The following ILDR1 variants were observed in gnomAD, a reference collection of about 807,000 sequenced individuals.
ILDR1 encodes the protein immunoglobulin-like domain-containing receptor 1.
In ILDR1, 56 loss-of-function variants were observed where a neutral mutation model predicts 62.4. The observed-to-expected ratio is 0.90, with a 90% CI of 0.72 to 1.12. The LOEUF (loss-of-function observed/expected upper bound fraction) is 1.12, where lower values mean the gene tolerates loss of function less well. Among genes scored for constraint, ILDR1 ranks in the 50% most tolerant of loss-of-function variants. The pLI, the probability that ILDR1 is intolerant of heterozygous loss-of-function variation, is 0.00. For missense variants in ILDR1, 736 were observed against 710.6 expected (o/e 1.04, Z -0.41); for synonymous variants, 284 against 277.8 (o/e 1.02, Z -0.22).
In ILDR1 at chr3:121,993,908, T is replaced by A; in HGVS notation, c.841A>T (p.Ile281Phe). The change falls in exon 7 of 8, where the codon ATC becomes TTC. Residue 281 changes from isoleucine (I) to phenylalanine (F), a missense_variant. Ile to Phe is a conservative substitution (Grantham distance 21). Transcript: ENST00000344209. Reference protein sequence around the residue: ...PMTQTTNQPPIANGVLEYLEK... With the variant: ...PMTQTTNQPPFANGVLEYLEK... ...AAATACTCCAGGACACCATTGGCGA[T>A]GGGAGGCTGATTGGTGGTCTGGGTC... The A allele has an allele frequency of 6.2e-7, 1 of 1,613,788 alleles. No homozygotes were observed. Among genetic ancestry groups the A allele is most frequent in the South Asian group, 1.1e-5 (1 of 91,078 alleles).
intron 3 of ILDR1, among the ~76,000 whole-genome samples, chr3:122,004,867 T>C (rs967881182): frequency 1.3e-5 from 2 of 152,112 alleles, no homozygotes; most frequent in African/African-American, 2.4e-5. Context: ...ACAACAGGAA[T>C]AGCCGGAAGG....
At chr3:121,990,443 G>A (rs765675567) in intron 7 of ILDR1, among the ~76,000 whole-genome samples, 1 of 152,202 alleles carries the variant, frequency 6.6e-6, no homozygotes, top group Non-Finnish European at 1.5e-5. Context: ...ACAATTTCTT[G>A]TACAAAATCT....
intron 1 of ILDR1, among the ~76,000 whole-genome samples, chr3:122,010,077 G>A (rs946895794): frequency 7.9e-5 from 12 of 152,302 alleles, no homozygotes; most frequent in Non-Finnish European, 1.6e-4. Context: ...CTAAGATCAC[G>A]CATGAGAAGT....
the ILDR1 span, among the ~76,000 whole-genome samples, chr3:122,048,218 T>C: frequency 6.6e-6 from 1 of 152,230 alleles, no homozygotes; most frequent in African/African-American, 2.4e-5. Flanking sequence ...GATGACCATA[T>C]GATTTTAATG....
At chr3:121,988,458 C>G in intron 7 of ILDR1, 50 bp from the exon 8 acceptor site, 1 of 1,441,886 alleles carries the variant, frequency 6.9e-7, no homozygotes, top group African/African-American at 1.4e-5. Context: ...CAGTGCAATC[C>G]GTCTATGCAT....
chr3:122,003,410 C>G (rs1467688829), intron 3 of ILDR1, among the ~76,000 whole-genome samples: 1 of 152,136 alleles, frequency 6.6e-6, no homozygotes, highest in Non-Finnish European at 1.5e-5. Flanking sequence ...AAGCTTACCC[C>G]AGACTTGGAA....
At chr3:122,038,481 C>T in the ILDR1 span, among the ~76,000 whole-genome samples, 1 of 152,038 alleles carries the variant, frequency 6.6e-6, no homozygotes, top group South Asian at 2.1e-4. Context: ...AATGTAAATC[C>T]CCATACTACT....
chr3:122,040,708 C>A, the ILDR1 span, among the ~76,000 whole-genome samples: 1 of 135,728 alleles, frequency 7.4e-6, no homozygotes, highest in South Asian at 2.3e-4. Flanking sequence ...GCTAGAACAA[C>A]TGGAAATCCA....
At position 122,010,806 on chromosome 3, in the gene ILDR1, G is replaced by C. The variant is rs1170803800; in HGVS notation, c.59-3645C>G. On this transcript the variant is annotated intron_variant, in intron 1 of 7. Transcript: ENST00000344209. Reference sequence around the variant, plus strand: ...CGATGAGAAGAGAGAGGAAAACACTGATATTGGTCTAAATAAAATCTTAGG... The same window carrying C: ...CGATGAGAAGAGAGAGGAAAACACTCATATTGGTCTAAATAAAATCTTAGG... Among the ~76,000 whole-genome samples the C allele has an allele frequency of 2.0e-5, 3 of 152,142 alleles. No individual in the cohort carries two copies. The East Asian group carries it at 5.8e-4, about 29-fold the overall frequency.
chr3:122,037,115 C>T, the ILDR1 span, among the ~76,000 whole-genome samples: 1 of 152,252 alleles, frequency 6.6e-6, no homozygotes. Flanking sequence ...AAGGGTGGAG[C>T]CCTCATGGAG....
chr3:122,027,235 G>C (rs1044124839), upstream of ILDR1, among the ~76,000 whole-genome samples: 11 of 152,010 alleles, frequency 7.2e-5, no homozygotes, highest in African/African-American at 2.4e-4. Flanking sequence ...TGTCATCCAG[G>C]CTGGACTGCA....
chr3:122,052,585 T>C, the ILDR1 span, among the ~76,000 whole-genome samples: 1 of 152,166 alleles, frequency 6.6e-6, no homozygotes, highest in South Asian at 2.1e-4. Context: ...GTTGTTGTTG[T>C]TGTTTTGAGA....
chr3:121,993,882 C>T lies in ILDR1; in HGVS notation c.867G>A (p.Leu289=). Residue 289 remains leucine (L), a synonymous_variant, in exon 7 of 8, where the codon TTG becomes TTA. Coordinates refer to ENST00000344209, the MANE Select transcript of ILDR1 (RefSeq NM_001199799.2). Reference sequence around the variant, plus strand: ...GGTTGAGGTTCCGCAGTTCTTTCTCCAAATACTCCAGGACACCATTGGCGA... The same window carrying T: ...GGTTGAGGTTCCGCAGTTCTTTCTCTAAATACTCCAGGACACCATTGGCGA... The part of the protein sequence containing the change: ...PPIANGVLEY[L]EKELRNLNLA... The T allele has an allele frequency of 1.2e-6, 2 of 1,614,074 alleles. No individual in the cohort carries two copies. Among genetic ancestry groups the T allele is most frequent in the Non-Finnish European group, 1.7e-6 (2 of 1,180,022 alleles).
intron 3 of ILDR1, 58 bp from the exon 4 acceptor site, chr3:122,001,922 C>A: frequency 6.3e-7 from 1 of 1,595,750 alleles, no homozygotes; most frequent in Non-Finnish European, 8.6e-7. Flanking sequence ...TGGTTTCTAA[C>A]CCATGACACC....
chr3:122,046,199 A>T, the ILDR1 span, among the ~76,000 whole-genome samples: 1 of 150,184 alleles, frequency 6.7e-6, no homozygotes, highest in Non-Finnish European at 1.5e-5. Flanking sequence ...GCTGGATATG[A>T]AATTCTGGGT....
chr3:122,049,964 T>C, the ILDR1 span, among the ~76,000 whole-genome samples: 1 of 152,224 alleles, frequency 6.6e-6, no homozygotes, highest in Non-Finnish European at 1.5e-5. Context: ...CTTCCCAATC[T>C]CCATAGCTGT....
intron 1 of ILDR1, among the ~76,000 whole-genome samples, chr3:122,018,251 T>C (rs566389231): frequency 6.6e-6 from 1 of 152,156 alleles, no homozygotes; most frequent in Non-Finnish European, 1.5e-5. Context: ...GGGACATTGA[T>C]GAAGCTGGGA....
intron 1 of ILDR1, among the ~76,000 whole-genome samples, chr3:122,013,945 G>A (rs1245885062): frequency 1.3e-5 from 2 of 152,174 alleles, no homozygotes; most frequent in Non-Finnish European, 2.9e-5. Flanking sequence ...AAACTGATGA[G>A]ATAAGCTTTA....
upstream of ILDR1, among the ~76,000 whole-genome samples, chr3:122,026,092 G>A (rs1440623979): frequency 6.6e-6 from 1 of 152,200 alleles, no homozygotes; most frequent in African/African-American, 2.4e-5. Context: ...CTAGGCTGGT[G>A]TGTTAGAGAG....
Sources: gnomAD v4.1 joint callset for allele counts (sites outside exome capture counted in the v4.1 genomes callset) on GRCh38, gnomAD v4.1.1 for gene constraint, MANE v1.5 for transcripts, NCBI Gene and HGNC (gene_info 2026-07-23, HGNC 2026-07-21) for gene names.